RORA: variants seen among roughly 807,000 people sequenced by gnomAD.
RORA encodes the protein RAR related orphan receptor A, also known as nuclear receptor ROR-alpha.
A neutral mutation model predicts 69.5 loss-of-function variants in RORA; 7 were observed. The ratio of observed to expected loss-of-function variants is 0.10; its 90% CI spans 0.06 to 0.19. The LOEUF (loss-of-function observed/expected upper bound fraction) is 0.19, where lower values mean the gene tolerates loss of function less well. Ranked by LOEUF, RORA falls within the 10% of genes least tolerant of loss-of-function variation. The probability of loss-of-function intolerance (pLI) is 1.00; values close to 1 mark genes in which losing one functional copy is unlikely to be tolerated. For synonymous variants in RORA, 261 were observed against 240.8 expected, an observed-to-expected ratio of 1.08 and a Z score of -0.78; for missense variants, 457 against 663.0, an observed-to-expected ratio of 0.69 and a Z score of 3.41.
Position 60,761,417 on chromosome 15 carries a change from C to T in RORA, c.167-82731G>A, listed in dbSNP as rs7176288. On this transcript the variant is annotated intron_variant, in intron 1 of 10. Coordinates refer to ENST00000335670, the MANE Select transcript of RORA (RefSeq NM_134261.3). ...GGATCCTGTAGTGCCTTAGGGGCAG[C>T]ATTACAAACATCAATTATCTTATGG... Among the ~76,000 whole-genome samples the T allele has an allele frequency of 5.9e-3, 901 of 152,240 alleles. 9 individuals are homozygous for T. Among genetic ancestry groups the T allele is most frequent in the African/African-American group, 0.02 (844 of 41,550 alleles).
At chr15:60,505,109 T>G (rs2065457255) in intron 6 of RORA, among the ~76,000 whole-genome samples, 1 of 152,224 alleles carries the variant, frequency 6.6e-6, no homozygotes, top group Non-Finnish European at 1.5e-5. Context: ...TAATACAACT[T>G]CCAGAAACAT....
intron 2 of RORA, among the ~76,000 whole-genome samples, chr15:60,553,149 C>T (rs1567082005): frequency 6.6e-6 from 1 of 152,180 alleles, no homozygotes; most frequent in Non-Finnish European, 1.5e-5. Context: ...GTTATATGAG[C>T]TATTGATATT....
chr15:60,796,560 C>T (rs2072500139), intron 1 of RORA, among the ~76,000 whole-genome samples: 2 of 151,730 alleles, frequency 1.3e-5, no homozygotes, highest in African/African-American at 4.8e-5. Flanking sequence ...AAACTGGAAA[C>T]CTTATGTGTA....
chr15:60,499,871 C>T (rs1567037208), intron 10 of RORA, 21 bp downstream of exon 10: 1 of 1,410,790 alleles, frequency 7.1e-7, no homozygotes, highest in Non-Finnish European at 1.0e-6. Context: ...GCCATGCCAA[C>T]TAGAAGCCTT....
intron 1 of RORA, among the ~76,000 whole-genome samples, chr15:60,800,772 C>T (rs1350073706): frequency 6.6e-6 from 1 of 152,116 alleles, no homozygotes; most frequent in East Asian, 1.9e-4. Flanking sequence ...TCATATGCCG[C>T]CCCCACCTCT....
At chr15:60,961,048 T>C (rs1893401513) in intron 1 of RORA, among the ~76,000 whole-genome samples, 1 of 152,194 alleles carries the variant, frequency 6.6e-6, no homozygotes, top group Non-Finnish European at 1.5e-5. Flanking sequence ...GCTTTATTCA[T>C]CTTCTTTCCC....
intron 1 of RORA, among the ~76,000 whole-genome samples, chr15:61,049,525 T>C (rs1331616625): frequency 1.3e-5 from 2 of 152,172 alleles, no homozygotes; most frequent in African/African-American, 2.4e-5. Context: ...AAATCCAGCA[T>C]TTCTAACTGG....
intron 1 of RORA, chr15:60,849,166 T>C (rs966612273): frequency 1.3e-5 from 2 of 152,272 alleles, no homozygotes; most frequent in East Asian, 3.8e-4. Context: ...TTTACTTGTG[T>C]ATTTTCTGTC....
intron 1 of RORA, among the ~76,000 whole-genome samples, chr15:61,031,874 G>A (rs1346168146): frequency 6.6e-6 from 1 of 152,176 alleles, no homozygotes; most frequent in East Asian, 1.9e-4. Context: ...AGAAGTTCAT[G>A]TGTACTATGT....
intron 2 of RORA, chr15:60,592,252 T>C (rs1191597611): frequency 5.7e-6 from 3 of 529,940 alleles, no homozygotes; most frequent in African/African-American, 2.0e-5. Flanking sequence ...CAGAAGGCCC[T>C]GGCAGGGCCC....
chr15:60,790,006 C>T (rs984516026), intron 1 of RORA, among the ~76,000 whole-genome samples: 1 of 152,174 alleles, frequency 6.6e-6, no homozygotes. Context: ...AGTGTTGAAG[C>T]CAGAATTGAT....
intron 1 of RORA, among the ~76,000 whole-genome samples, chr15:61,228,143 A>C (rs2080165261): frequency 6.6e-6 from 1 of 151,686 alleles, no homozygotes; most frequent in Admixed American, 6.6e-5. Flanking sequence ...GACCATCCCC[A>C]GGTTCCTGCA....
At chr15:60,694,491 G>A (rs1415556513) in intron 1 of RORA, among the ~76,000 whole-genome samples, 1 of 152,172 alleles carries the variant, frequency 6.6e-6, no homozygotes, top group African/African-American at 2.4e-5. Flanking sequence ...ATTTCGTACA[G>A]TTTGGATTTG....
At chr15:61,018,822 TG>T (rs752246918) in intron 1 of RORA, among the ~76,000 whole-genome samples, 15 of 152,226 alleles carry the variant, frequency 9.9e-5, no homozygotes, top group Non-Finnish European at 1.5e-4. Flanking sequence ...TCCTCATAAA[TG>T]GTAAGGATGT....
chr15:60,707,249 C>A (rs2071075603), intron 1 of RORA, among the ~76,000 whole-genome samples: 1 of 152,156 alleles, frequency 6.6e-6, no homozygotes, highest in Non-Finnish European at 1.5e-5. Flanking sequence ...CCTGAATTCA[C>A]TCTAGCCTGC....
At chr15:61,066,418 C>CTTTTTTTTTTTTTTTTTTTTTTTT (rs1168663714) in intron 1 of RORA, among the ~76,000 whole-genome samples, 7 of 80,964 alleles carry the variant, frequency 8.6e-5, no homozygotes, top group Non-Finnish European at 1.4e-4. Flanking sequence ...GGGCATATTC[C>CTTTTTTTTTTTTTTTTTTTTTTTT]TTTTTTTTTT....
At chr15:61,075,715 G>GAGCT (rs2078438661) in intron 1 of RORA, among the ~76,000 whole-genome samples, 1 of 152,210 alleles carries the variant, frequency 6.6e-6, no homozygotes, top group South Asian at 2.1e-4. Context: ...TACTAGAGCA[G>GAGCT]AGCTGTGCCT....
chr15:60,834,399 C>T (rs534450060), intron 1 of RORA, among the ~76,000 whole-genome samples: 57 of 152,246 alleles, frequency 3.7e-4, no homozygotes, highest in African/African-American at 1.3e-3. Context: ...GCCTCAAGTC[C>T]GTGTGCTCCA....
intron 2 of RORA, among the ~76,000 whole-genome samples, chr15:60,588,984 C>T (rs904141465): frequency 1.3e-5 from 2 of 152,188 alleles, no homozygotes; most frequent in Non-Finnish European, 2.9e-5. Context: ...CAAATGGATT[C>T]AGAAATCCTC....
Sources: allele counts gnomAD v4.1 joint callset (sites outside exome capture counted in the v4.1 genomes callset), GRCh38; gene constraint gnomAD v4.1.1; transcripts MANE v1.5; gene names NCBI Gene and HGNC (gene_info 2026-07-23, HGNC 2026-07-21).